CACNA1D: variants seen among roughly 807,000 people sequenced by gnomAD.
CACNA1D encodes the protein calcium voltage-gated channel subunit alpha1 D, also known as voltage-dependent L-type calcium channel subunit alpha-1D.
In CACNA1D, 55 loss-of-function variants were observed where a neutral mutation model predicts 257.1. That is an observed-to-expected ratio of 0.21 (90% CI 0.17 to 0.27). The LOEUF (loss-of-function observed/expected upper bound fraction) is 0.27. Among genes scored for constraint, CACNA1D ranks in the 10% least tolerant of loss-of-function variants. The pLI is 1.00. For synonymous variants in CACNA1D, 980 were observed against 1,014.9 expected (o/e 0.97, Z 0.65); for missense variants, 1,876 against 2,784.0 (o/e 0.67, Z 7.34).
At chr3:53,788,865 C>T (rs138806896) in intron 40 of CACNA1D, among the ~76,000 whole-genome samples, 4 of 152,250 alleles carry the variant, frequency 2.6e-5, no homozygotes, top group East Asian at 1.9e-4. Context: ...AGAGGCATGG[C>T]GGCCACTTGG....
chr3:53,549,651 A>G (rs1559825708), intron 3 of CACNA1D, among the ~76,000 whole-genome samples: 1 of 152,138 alleles, frequency 6.6e-6, no homozygotes, highest in African/African-American at 2.4e-5. Context: ...AATAATGTAA[A>G]CCCTAACTTA....
chr3:53,805,197 C>G (rs1318502593), intron 45 of CACNA1D, 51 bp downstream of exon 45: 2 of 1,568,646 alleles, frequency 1.3e-6, no homozygotes, highest in Non-Finnish European at 1.7e-6. Flanking sequence ...AACAGTGTAC[C>G]TCTCCCCCAA....
intron 3 of CACNA1D, among the ~76,000 whole-genome samples, chr3:53,600,153 G>A (rs3774469): frequency 0.45 from 68,088 of 152,104 alleles, 15,663 homozygotes; most frequent in African/African-American, 0.57. Context: ...TTCCACCTGG[G>A]CCCCAACATA....
At chr3:53,610,456 T>G (rs902290224) in intron 3 of CACNA1D, among the ~76,000 whole-genome samples, 2 of 152,234 alleles carry the variant, frequency 1.3e-5, no homozygotes, top group African/African-American at 4.8e-5. Context: ...TATGTTTCCT[T>G]GATGAACTGA....
At chr3:53,737,258 A>G (rs958311529) in intron 20 of CACNA1D, among the ~76,000 whole-genome samples, 1 of 152,212 alleles carries the variant, frequency 6.6e-6, no homozygotes, top group Admixed American at 6.5e-5. Flanking sequence ...GCAACAGAGT[A>G]AGTGAGACTC....
chr3:53,764,324 C>T (rs748232863), intron 30 of CACNA1D, among the ~76,000 whole-genome samples: 7 of 152,200 alleles, frequency 4.6e-5, no homozygotes, highest in Non-Finnish European at 8.8e-5. Flanking sequence ...CATCTCACAA[C>T]GCAAAGTGCT....
intron 3 of CACNA1D, among the ~76,000 whole-genome samples, chr3:53,584,134 C>T (rs973338370): frequency 1.3e-5 from 2 of 152,162 alleles, no homozygotes; most frequent in Non-Finnish European, 2.9e-5. Context: ...CTATCTGGGC[C>T]GTTCTCTTTC....
At chr3:53,632,862 C>G (rs534833559) in intron 3 of CACNA1D, among the ~76,000 whole-genome samples, 2 of 152,250 alleles carry the variant, frequency 1.3e-5, no homozygotes, top group South Asian at 2.1e-4. Context: ...CAAACAATTA[C>G]AATAGTAACA....
chr3:53,594,615 G>T (rs2093347843), intron 3 of CACNA1D, among the ~76,000 whole-genome samples: 1 of 152,234 alleles, frequency 6.6e-6, no homozygotes, highest in African/African-American at 2.4e-5. Flanking sequence ...GCCATGTGGG[G>T]CTCTGGGACA....
intron 30 of CACNA1D, 105 bp from the exon 31 acceptor site, chr3:53,769,868 T>C: frequency 1.1e-6 from 1 of 902,122 alleles, no homozygotes; most frequent in Non-Finnish European, 1.9e-6. Flanking sequence ...AGGTGTGGTG[T>C]CTAAAGATGG....
At chr3:53,571,644 A>T (rs1383322301) in intron 3 of CACNA1D, among the ~76,000 whole-genome samples, 1 of 152,174 alleles carries the variant, frequency 6.6e-6, no homozygotes, top group African/African-American at 2.4e-5. Flanking sequence ...TCCTGTCCAT[A>T]GGGTGACAGC....
At position 53,789,821 on chromosome 3, in the gene CACNA1D, A is replaced by G. The variant is rs950991354; in HGVS notation, c.4923+2869A>G. Among the ~76,000 whole-genome samples, 1 of 152,218 alleles carries G rather than the reference A, an allele frequency of 6.6e-6. No homozygotes were observed. The highest frequency in any genetic ancestry group is 2.4e-5 in the African/African-American group (1 of 41,452). ...CCCACCCCCAGGGAATGTTTTTTCAAGGACACATATACGCACTGTGGTTTT... is the reference window on the plus strand; with the variant it reads ...CCCACCCCCAGGGAATGTTTTTTCAGGGACACATATACGCACTGTGGTTTT... On this transcript the variant is annotated intron_variant, in intron 40 of 47. Coordinates refer to ENST00000350061, the MANE Select transcript of CACNA1D (RefSeq NM_001128840.3). The surrounding 1 kb of genome is among the most constrained non-coding windows in gnomAD (Gnocchi z 4.2).
chr3:53,573,095 T>C (rs1466485349), intron 3 of CACNA1D, among the ~76,000 whole-genome samples: 1 of 152,238 alleles, frequency 6.6e-6, no homozygotes, highest in Non-Finnish European at 1.5e-5. Context: ...GTTTGTAGCT[T>C]AGATGTCGCC....
Position 53,703,180 on chromosome 3 carries a change from A to G in CACNA1D, c.1390+370A>G, listed in dbSNP as rs116031253. ...TGGTTTCCCTCACCTCAGAGTGAAC[A>G]GTGTTATTGGACAAGAATTTGAAGT... On this transcript the variant is annotated intron_variant, in intron 9 of 47. Coordinates refer to ENST00000350061, the MANE Select transcript of CACNA1D (RefSeq NM_001128840.3). Among the ~76,000 whole-genome samples the G allele has an allele frequency of 6.5e-3, 987 of 152,338 alleles. 16 individuals are homozygous for G. Among genetic ancestry groups the G allele is most frequent in the African/African-American group, 0.023 (943 of 41,568 alleles).
At chr3:53,587,354 A>G (rs1383453292) in intron 3 of CACNA1D, among the ~76,000 whole-genome samples, 5 of 152,136 alleles carry the variant, frequency 3.3e-5, no homozygotes, top group Non-Finnish European at 7.4e-5. Context: ...ACAACAGGTA[A>G]TAGAGACTCA....
chr3:53,630,583 A>C (rs1419194967), intron 3 of CACNA1D, among the ~76,000 whole-genome samples: 1 of 152,212 alleles, frequency 6.6e-6, no homozygotes, highest in East Asian at 1.9e-4. Context: ...GGGAACAAAA[A>C]CGTGTAAGCT....
At chr3:53,728,217 C>T (rs1210006373) in intron 15 of CACNA1D, among the ~76,000 whole-genome samples, 1 of 152,210 alleles carries the variant, frequency 6.6e-6, no homozygotes, top group Non-Finnish European at 1.5e-5. Context: ...CGGCTCACTG[C>T]AACCTCCGCC....
At chr3:53,670,997 T>C (rs1271336537) in intron 7 of CACNA1D, among the ~76,000 whole-genome samples, 1 of 152,188 alleles carries the variant, frequency 6.6e-6, no homozygotes, top group Non-Finnish European at 1.5e-5. Context: ...TGCCCCACCT[T>C]CTGACTTAGA....
intron 3 of CACNA1D, among the ~76,000 whole-genome samples, chr3:53,530,078 A>G (rs966742599): frequency 6.6e-6 from 1 of 152,194 alleles, no homozygotes; most frequent in Non-Finnish European, 1.5e-5. Flanking sequence ...ATACTGCTGT[A>G]GTTTGTTCTT....
Sources: allele counts gnomAD v4.1 joint callset (sites outside exome capture counted in the v4.1 genomes callset), GRCh38; gene constraint gnomAD v4.1.1; non-coding constraint Gnocchi (gnomAD v3.1); transcripts MANE v1.5; gene names NCBI Gene and HGNC (gene_info 2026-07-23, HGNC 2026-07-21).